PLCL1: variants seen among roughly 807,000 people sequenced by gnomAD.
PLCL1 encodes phospholipase C like 1 (inactive).
In PLCL1, 41 loss-of-function variants were observed where a neutral mutation model predicts 84.4. That is an observed-to-expected ratio of 0.49 (90% CI 0.38 to 0.63). PLCL1 has a LOEUF of 0.63. PLCL1 is among the 30% of genes least tolerant of loss of function. PLCL1 has a pLI of 0.00. For missense variants in PLCL1, 1,206 were observed against 1,367.8 expected (o/e 0.88, Z 1.87); for synonymous variants, 490 against 488.3 (o/e 1.00, Z -0.05).
At chr2:197,831,363 G>A (rs945720189) in intron 1 of PLCL1, among the ~76,000 whole-genome samples, 1 of 151,870 alleles carries the variant, frequency 6.6e-6, no homozygotes, top group Admixed American at 6.6e-5. Context: ...AAGCAGGGGT[G>A]GCAATCCTAG....
intron 5 of PLCL1, among the ~76,000 whole-genome samples, chr2:198,141,372 T>A (rs1330383131): frequency 1.3e-5 from 2 of 152,032 alleles, no homozygotes; most frequent in East Asian, 3.9e-4. Flanking sequence ...TTGTATATAA[T>A]TCCTACACAG....
intron 1 of PLCL1, among the ~76,000 whole-genome samples, chr2:198,081,092 G>A (rs79500655): frequency 0.01 from 1,565 of 152,260 alleles, 32 homozygotes; most frequent in African/African-American, 0.036. Context: ...GATAGACTGT[G>A]GAGAACGCTA....
intron 1 of PLCL1, among the ~76,000 whole-genome samples, chr2:197,966,843 T>G (rs921622518): frequency 7.3e-6 from 1 of 137,794 alleles, no homozygotes; most frequent in Non-Finnish European, 1.5e-5. Context: ...CCATCCATAC[T>G]AATTTTTTTT....
chr2:197,826,303 A>T (rs1488301210), intron 1 of PLCL1, among the ~76,000 whole-genome samples: 2 of 152,208 alleles, frequency 1.3e-5, no homozygotes. Flanking sequence ...CCTGTGAGAT[A>T]CAACTAAAAT....
intron 1 of PLCL1, among the ~76,000 whole-genome samples, chr2:197,888,877 T>C (rs1429077939): frequency 6.6e-6 from 1 of 152,180 alleles, no homozygotes; most frequent in Admixed American, 6.5e-5. Context: ...TATTAAATGC[T>C]AATGAGTAAT....
At chr2:197,865,246 A>G (rs921685572) in intron 1 of PLCL1, among the ~76,000 whole-genome samples, 3 of 152,190 alleles carry the variant, frequency 2.0e-5, no homozygotes, top group Non-Finnish European at 4.4e-5. Flanking sequence ...GGAAACCAGC[A>G]GGGGACGTAG....
chr2:198,116,737 C>T (rs933860617), intron 5 of PLCL1, among the ~76,000 whole-genome samples: 4 of 151,900 alleles, frequency 2.6e-5, no homozygotes, highest in Admixed American at 6.6e-5. Flanking sequence ...GTTAACAAGT[C>T]GTTATGTAGA....
chr2:197,917,007 C>T lies in PLCL1; in HGVS notation c.240+111668C>T, dbSNP rs76648008. Among the ~76,000 whole-genome samples, 393 of 152,200 alleles carry T rather than the reference C, an allele frequency of 2.6e-3. 1 individual carries two copies. Among genetic ancestry groups the T allele is most frequent in the African/African-American group, 9.0e-3 (373 of 41,528 alleles). ...AAAAATCCAAAAAAACTGACAATAC[C>T]AATTGCTGGCAAGAATGCAGAGCAA... On this transcript the variant is annotated intron_variant, in intron 1 of 5. Coordinates refer to ENST00000428675, the MANE Select transcript of PLCL1 (RefSeq NM_006226.4).
intron 1 of PLCL1, among the ~76,000 whole-genome samples, chr2:198,075,020 A>G (rs1692545539): frequency 6.6e-6 from 1 of 152,216 alleles, no homozygotes; most frequent in Non-Finnish European, 1.5e-5. Flanking sequence ...CCATGTAGGT[A>G]TTAAAGGTAT....
rs145391516 is a variant in PLCL1, at chr2:197,949,886, A to T, written c.241-133872A>T. ...GTGTGCGTGGGATTTATGAGTGGGG[A>T]ACTCAAGAAAGTCTGAGCTTCATAT... On this transcript the variant is annotated intron_variant, in intron 1 of 5. Coordinates refer to ENST00000428675, the MANE Select transcript of PLCL1 (RefSeq NM_006226.4). Among the ~76,000 whole-genome samples, 63 of 152,266 alleles carry T rather than the reference A, an allele frequency of 4.1e-4. No homozygotes were observed. In the East Asian group the frequency reaches 0.01, roughly 25 times the overall value.
chr2:197,920,690 TTG>T (rs758786652), intron 1 of PLCL1, among the ~76,000 whole-genome samples: 31 of 152,212 alleles, frequency 2.0e-4, no homozygotes, highest in Non-Finnish European at 4.3e-4. Context: ...TGCTGTGGTC[TTG>T]TGCCCTCTGA....
chr2:198,091,540 C>A (rs78138571), intron 3 of PLCL1, among the ~76,000 whole-genome samples: 2 of 151,488 alleles, frequency 1.3e-5, no homozygotes, highest in African/African-American at 4.8e-5. Context: ...ATTAGCCGGG[C>A]ATGGTGGCAC....
intron 1 of PLCL1, among the ~76,000 whole-genome samples, chr2:197,906,792 G>T (rs1002402697): frequency 6.6e-6 from 1 of 152,160 alleles, no homozygotes; most frequent in African/African-American, 2.4e-5. Flanking sequence ...CTTGTAAGTT[G>T]TATTCCTGGG....
chr2:197,825,057 G>T (rs1412673293), intron 1 of PLCL1, among the ~76,000 whole-genome samples: 1 of 152,030 alleles, frequency 6.6e-6, no homozygotes. Flanking sequence ...GGTGTCTCTG[G>T]TTTTTTGCCT....
intron 1 of PLCL1, among the ~76,000 whole-genome samples, chr2:198,082,790 G>A (rs777327031): frequency 1.3e-5 from 2 of 152,138 alleles, no homozygotes; most frequent in Admixed American, 1.3e-4. Context: ...TTTTAGGAAG[G>A]ACGATAGGTG....
At chr2:198,130,734 C>T (rs1030700810) in intron 5 of PLCL1, among the ~76,000 whole-genome samples, 1 of 152,040 alleles carries the variant, frequency 6.6e-6, no homozygotes, top group Non-Finnish European at 1.5e-5. Flanking sequence ...CTTAACTCTC[C>T]ACCTCTAATT....
chr2:197,969,328 G>A (rs1431536593), intron 1 of PLCL1, among the ~76,000 whole-genome samples: 1 of 152,100 alleles, frequency 6.6e-6, no homozygotes, highest in Non-Finnish European at 1.5e-5. Context: ...TGTGCATAGT[G>A]GCAATATGTC....
chr2:198,008,320 G>A lies in PLCL1; in HGVS notation c.241-75438G>A, dbSNP rs78361478. Among the ~76,000 whole-genome samples the A allele has an allele frequency of 5.6e-3, 854 of 151,932 alleles. 10 individuals are homozygous for A. The highest frequency in any genetic ancestry group is 0.019 in the African/African-American group (808 of 41,478). ...TGCAGCAGATTGCTACAACTTTTTC[G>A]TCTTGTTACACTGAAACTCTCTACT... On this transcript the variant is annotated intron_variant, in intron 1 of 5. Coordinates refer to ENST00000428675, the MANE Select transcript of PLCL1 (RefSeq NM_006226.4).
chr2:198,137,018 G>T (rs2105941808), intron 5 of PLCL1, among the ~76,000 whole-genome samples: 1 of 152,228 alleles, frequency 6.6e-6, no homozygotes, highest in Admixed American at 6.5e-5. Flanking sequence ...CATTTGTGAA[G>T]TTCTATCAAG....
Sources: allele counts gnomAD v4.1 joint callset (sites outside exome capture counted in the v4.1 genomes callset), GRCh38; gene constraint gnomAD v4.1.1; transcripts MANE v1.5; gene names NCBI Gene and HGNC (gene_info 2026-07-23, HGNC 2026-07-21).